EEFSEC: variants seen among roughly 807,000 people sequenced by gnomAD.
The protein encoded by EEFSEC is eukaryotic elongation factor, selenocysteine-tRNA specific.
EEFSEC carries 43 observed loss-of-function variants against 42.1 expected under a neutral mutation model. The observed-to-expected ratio is 1.02, with a 90% confidence interval of 0.80 to 1.32. The LOEUF (loss-of-function observed/expected upper bound fraction) is 1.32, where lower values mean the gene tolerates loss of function less well. Ranked by LOEUF, EEFSEC falls within the 40% of genes most tolerant of loss-of-function variation. The pLI is 0.00. For missense variants in EEFSEC, 745 were observed against 803.6 expected, an observed-to-expected ratio of 0.93 and a Z score of 0.88; for synonymous variants, 354 against 339.1, an observed-to-expected ratio of 1.04 and a Z score of -0.48.
At chr3:128,299,845 A>G (rs978146940) in intron 4 of EEFSEC, among the ~76,000 whole-genome samples, 4 of 152,254 alleles carry the variant, frequency 2.6e-5, no homozygotes, top group African/African-American at 9.6e-5. Flanking sequence ...AGTTACTGTG[A>G]GGATTAAATC....
chr3:128,414,495 C>T, the EEFSEC span, among the ~76,000 whole-genome samples: 1 of 152,194 alleles, frequency 6.6e-6, no homozygotes, highest in African/African-American at 2.4e-5. Flanking sequence ...TCCCCAAGGA[C>T]TCCAGAGCTG....
chr3:128,348,872 A>G (rs1576660319), intron 5 of EEFSEC, among the ~76,000 whole-genome samples: 1 of 152,236 alleles, frequency 6.6e-6, no homozygotes, highest in Admixed American at 6.5e-5. Context: ...AAAGCCTCAT[A>G]GAAAACTGGG....
rs540476261 is a variant in EEFSEC at position 128,196,765 on chromosome 3, C to T, written c.316+42942C>T. Among the ~76,000 whole-genome samples, 61 of 152,258 alleles carry T rather than the reference C, an allele frequency of 4.0e-4. 1 individual carries two copies. Among genetic ancestry groups the T allele is most frequent in the African/African-American group, 1.4e-3 (58 of 41,534 alleles). ...CTGTCACTTACTGGCACTCGATGGC[C>T]TCTGGAACCTCAGTCTCCTTGTCTG... On this transcript the variant is annotated intron_variant, in intron 1 of 6. Coordinates refer to ENST00000254730, the MANE Select transcript of EEFSEC (RefSeq NM_021937.5).
chr3:128,279,400 T>C (rs1234611788), intron 4 of EEFSEC, among the ~76,000 whole-genome samples: 1 of 152,216 alleles, frequency 6.6e-6, no homozygotes, highest in African/African-American at 2.4e-5. Context: ...CTCTCCCAGC[T>C]GTGATGACCA....
intron 6 of EEFSEC, among the ~76,000 whole-genome samples, chr3:128,402,594 G>A (rs956746030): frequency 2.0e-5 from 3 of 152,242 alleles, no homozygotes; most frequent in African/African-American, 7.2e-5. Flanking sequence ...TCCTCAACAC[G>A]GTGTTACGAG....
intron 6 of EEFSEC, among the ~76,000 whole-genome samples, chr3:128,361,821 G>A (rs1431961836): frequency 6.6e-6 from 1 of 152,210 alleles, no homozygotes; most frequent in Non-Finnish European, 1.5e-5. Context: ...CTGCCAGTAG[G>A]AACCTACTGG....
At chr3:128,268,684 AAAGACT>A (rs1331866777) in intron 4 of EEFSEC, among the ~76,000 whole-genome samples, 1 of 152,046 alleles carries the variant, frequency 6.6e-6, no homozygotes, top group Non-Finnish European at 1.5e-5. Context: ...AAGTCCATAT[AAAGACT>A]AAGGCAGAGA....
chr3:128,153,556 G>A lies in EEFSEC; in HGVS notation c.49G>A (p.Asp17Asn), dbSNP rs952424830. The change falls in exon 1 of 7, where the codon GAC (aspartate) becomes AAC (asparagine). Residue 17 changes from aspartate (D) to asparagine (N), a missense_variant. Transcript: ENST00000254730. ...NVNVGVLGHI[D>N]SGKTALARAL... ...GAACGTGGGCGTGCTGGGCCACATC[G>A]ACAGCGGCAAGACGGCGCTGGCGCG... 2.0e-6 allele frequency: 3 copies of A among 1,532,402 alleles called. No homozygotes were observed. Among genetic ancestry groups the A allele is most frequent in the South Asian group, 1.2e-5 (1 of 83,272 alleles). 94.9% of individuals were successfully genotyped at this position (1,532,402 alleles called of 1,614,324 possible).
chr3:128,290,729 G>GT (rs1054335493), intron 4 of EEFSEC, among the ~76,000 whole-genome samples: 132 of 151,868 alleles, frequency 8.7e-4, no homozygotes, highest in African/African-American at 3.1e-3. Context: ...ATGTTTTATC[G>GT]TTTTTTGGGG....
intron 6 of EEFSEC, among the ~76,000 whole-genome samples, chr3:128,361,089 C>T (rs2067520639): frequency 6.6e-6 from 1 of 152,128 alleles, no homozygotes; most frequent in Non-Finnish European, 1.5e-5. Context: ...AGGTAAGGCT[C>T]CCAGCCTGCA....
intron 1 of EEFSEC, among the ~76,000 whole-genome samples, chr3:128,207,819 C>T (rs549593942): frequency 6.6e-6 from 1 of 152,194 alleles, no homozygotes; most frequent in East Asian, 1.9e-4. Flanking sequence ...TTAATAATCA[C>T]GGACCCCTGA....
intron 5 of EEFSEC, among the ~76,000 whole-genome samples, chr3:128,343,736 A>G (rs2067281701): frequency 6.6e-6 from 1 of 152,180 alleles, no homozygotes; most frequent in South Asian, 2.1e-4. Flanking sequence ...AGGAGCAAGT[A>G]AACATATGGC....
intron 4 of EEFSEC, among the ~76,000 whole-genome samples, chr3:128,301,586 G>A (rs533560235): frequency 1.5e-4 from 23 of 152,280 alleles, no homozygotes; most frequent in African/African-American, 5.1e-4. Flanking sequence ...CCTGCTAAAC[G>A]TACTCTCAGA....
At chr3:128,171,495 T>C (rs1228777478) in intron 1 of EEFSEC, among the ~76,000 whole-genome samples, 1 of 152,198 alleles carries the variant, frequency 6.6e-6, no homozygotes, top group Non-Finnish European at 1.5e-5. Context: ...TCAAATGTAT[T>C]TTCTCCCCCT....
intron 1 of EEFSEC, among the ~76,000 whole-genome samples, chr3:128,238,376 A>G (rs1385492168): frequency 1.3e-5 from 2 of 152,360 alleles, no homozygotes; most frequent in East Asian, 1.9e-4. Context: ...CAGTGTATGC[A>G]TATTCTAACA....
intron 4 of EEFSEC, among the ~76,000 whole-genome samples, chr3:128,325,690 G>A (rs1271668352): frequency 6.6e-6 from 1 of 152,024 alleles, no homozygotes; most frequent in Non-Finnish European, 1.5e-5. Flanking sequence ...TTTTTGTGGA[G>A]TATAAAGAAA....
chr3:128,408,078 G>A lies in EEFSEC; in HGVS notation c.1610G>A (p.Ser537Asn). The change falls in exon 7 of 7, where the codon AGC (serine) becomes AAC (asparagine). Residue 537 changes from serine (S) to asparagine (N), a missense_variant. By Grantham distance (46) the Ser-to-Asn change is conservative. Coordinates refer to ENST00000254730, the MANE Select transcript of EEFSEC (RefSeq NM_021937.5). ...KFKIHIPGGL[S>N]PESKKILTPA... ...CTTCTGTGCCTTGCAGGTGGCCTCAGCCCCGAGTCCAAGAAGATCCTGACA... is the reference window on the plus strand; with the variant it reads ...CTTCTGTGCCTTGCAGGTGGCCTCAACCCCGAGTCCAAGAAGATCCTGACA... 1.9e-6 allele frequency: 3 copies of A among 1,575,368 alleles called. No homozygotes were observed. Among genetic ancestry groups the A allele is most frequent in the Non-Finnish European group, 2.6e-6 (3 of 1,160,692 alleles).
intron 6 of EEFSEC, among the ~76,000 whole-genome samples, chr3:128,366,974 A>G (rs1192994017): frequency 6.6e-6 from 1 of 152,204 alleles, no homozygotes; most frequent in Non-Finnish European, 1.5e-5. Flanking sequence ...CTGGAAGTCC[A>G]AGATCAAGGT....
intron 4 of EEFSEC, among the ~76,000 whole-genome samples, chr3:128,274,947 T>C (rs886920875): frequency 6.6e-6 from 1 of 152,234 alleles, no homozygotes; most frequent in Admixed American, 6.5e-5. Flanking sequence ...AAGGGGAAAC[T>C]GTGACTCAGG....
Sources: allele counts gnomAD v4.1 joint callset (sites outside exome capture counted in the v4.1 genomes callset), GRCh38; gene constraint gnomAD v4.1.1; transcripts MANE v1.5; gene names NCBI Gene and HGNC (gene_info 2026-07-23, HGNC 2026-07-21).